The following CAST variants were observed in gnomAD, a reference collection of about 807,000 sequenced individuals.
CAST encodes the protein calpastatin.
A neutral mutation model predicts 119.6 loss-of-function variants in CAST; 76 were observed. The observed-to-expected ratio is 0.64, with a 90% CI of 0.53 to 0.77. The LOEUF (loss-of-function observed/expected upper bound fraction) is 0.77. CAST is among the 30% of genes least tolerant of loss of function. The probability of loss-of-function intolerance (pLI) is 0.00; values close to 1 mark genes in which losing one functional copy is unlikely to be tolerated. For synonymous variants in CAST, 319 were observed against 331.6 expected (o/e 0.96, Z 0.41); for missense variants, 953 against 946.5 (o/e 1.01, Z -0.09).
At chr5:96,547,790 C>T (rs1207498587) in intron 1 of CAST, among the ~76,000 whole-genome samples, 1 of 152,148 alleles carries the variant, frequency 6.6e-6, no homozygotes, top group Non-Finnish European at 1.5e-5. Flanking sequence ...AGACTACTGT[C>T]CTTACTTCTT....
At chr5:96,601,969 C>T (rs1747162326) in intron 1 of CAST, among the ~76,000 whole-genome samples, 1 of 152,184 alleles carries the variant, frequency 6.6e-6, no homozygotes, top group South Asian at 2.1e-4. Context: ...CTTCCGGCTC[C>T]CTCTGGCCCT....
the CAST span, among the ~76,000 whole-genome samples, chr5:96,333,543 C>T: frequency 6.6e-6 from 1 of 152,086 alleles, no homozygotes; most frequent in African/African-American, 2.4e-5. Flanking sequence ...CCTCCCTGTT[C>T]TGATCTGGGC....
the CAST span, among the ~76,000 whole-genome samples, chr5:96,352,172 A>G: frequency 6.6e-6 from 1 of 152,286 alleles, no homozygotes; most frequent in East Asian, 1.9e-4. Flanking sequence ...TATCATGTTT[A>G]TACATGTCTT....
At chr5:96,214,036 T>C in the CAST span, among the ~76,000 whole-genome samples, 1 of 152,208 alleles carries the variant, frequency 6.6e-6, no homozygotes, top group Non-Finnish European at 1.5e-5. Context: ...CTTTTTGTAT[T>C]GGTACATATA....
chr5:96,236,964 A>G, the CAST span, among the ~76,000 whole-genome samples: 9 of 152,190 alleles, frequency 5.9e-5, no homozygotes, highest in African/African-American at 1.9e-4. Context: ...GTCCAGTCAG[A>G]AGTACTGTCT....
upstream of CAST, among the ~76,000 whole-genome samples, chr5:96,525,640 GC>G (rs1745586073): frequency 6.6e-6 from 1 of 151,934 alleles, no homozygotes; most frequent in Non-Finnish European, 1.5e-5. Context: ...CTTTACTTTT[GC>G]CAACGAATTG....
chr5:96,702,813 T>G (rs1279296042), intron 3 of CAST: 7 of 985,222 alleles, frequency 7.1e-6, no homozygotes, highest in Non-Finnish European at 8.4e-6. Context: ...CTCAGAGAGC[T>G]GGGCTGGAGC....
At chr5:96,606,180 A>C (rs1269867233) in intron 1 of CAST, among the ~76,000 whole-genome samples, 1 of 152,096 alleles carries the variant, frequency 6.6e-6, no homozygotes, top group African/African-American at 2.4e-5. Flanking sequence ...CAAAAAAAAA[A>C]CACTGCCCAG....
the CAST span, among the ~76,000 whole-genome samples, chr5:96,466,625 T>C: frequency 5.9e-5 from 9 of 152,224 alleles, no homozygotes; most frequent in Admixed American, 5.2e-4. Context: ...ACCATAGATA[T>C]GCTTTCATAC....
At chr5:96,425,997 A>G in the CAST span, 6 of 860,300 alleles carry the variant, frequency 7.0e-6, no homozygotes, top group East Asian at 2.5e-5. Context: ...TCCTCTAACT[A>G]TCTCCAGTAC....
chr5:96,112,276 A>G, the CAST span, among the ~76,000 whole-genome samples: 1 of 152,162 alleles, frequency 6.6e-6, no homozygotes, highest in African/African-American at 2.4e-5. Context: ...GTCCCCTAGC[A>G]GCTATACAAA....
At chr5:96,226,884 A>G in the CAST span, among the ~76,000 whole-genome samples, 2 of 152,234 alleles carry the variant, frequency 1.3e-5, no homozygotes, top group East Asian at 1.9e-4. Flanking sequence ...AAATATTCCC[A>G]TAGAATATCT....
At chr5:96,275,990 A>G in the CAST span, among the ~76,000 whole-genome samples, 1 of 152,206 alleles carries the variant, frequency 6.6e-6, no homozygotes, top group African/African-American at 2.4e-5. Flanking sequence ...TAAAATACAA[A>G]TTTTAATCTC....
intron 1 of CAST, among the ~76,000 whole-genome samples, chr5:96,663,939 CAAA>C (rs3048777): frequency 0.069 from 7,692 of 111,002 alleles, 341 homozygotes; most frequent in African/African-American, 0.14. Flanking sequence ...GATTGCTTTC[CAAA>C]AAAAAAAAAA....
intron 4 of CAST, 73 bp downstream of exon 4, chr5:96,722,771 A>C: frequency 9.8e-7 from 1 of 1,019,122 alleles, no homozygotes; most frequent in Non-Finnish European, 1.6e-6. Flanking sequence ...ATGTAGACTA[A>C]TTGTTGATGA....
At chr5:96,023,916 AT>A in the CAST span, among the ~76,000 whole-genome samples, 1,207 of 152,334 alleles carry the variant, frequency 7.9e-3, 18 homozygotes, top group African/African-American at 0.028. Context: ...TCTTTTCTTA[AT>A]AAAATCCAAA....
the CAST span, among the ~76,000 whole-genome samples, chr5:96,436,518 G>A: frequency 6.6e-6 from 1 of 152,080 alleles, no homozygotes; most frequent in Non-Finnish European, 1.5e-5. Flanking sequence ...ACATTTTAAT[G>A]ACAAATGATC....
the CAST span, among the ~76,000 whole-genome samples, chr5:96,367,149 A>G: frequency 1.3e-5 from 2 of 152,064 alleles, no homozygotes; most frequent in African/African-American, 2.4e-5. Flanking sequence ...GTGAATATTT[A>G]ACAGCAAACA....
At chr5:96,577,051 T>C (rs1159109570) in intron 1 of CAST, among the ~76,000 whole-genome samples, 1 of 152,230 alleles carries the variant, frequency 6.6e-6, no homozygotes, top group Non-Finnish European at 1.5e-5. Flanking sequence ...TTCTCATTGC[T>C]TAGCTCCCAC....
Sources: gnomAD v4.1 joint callset for allele counts (sites outside exome capture counted in the v4.1 genomes callset) on GRCh38, gnomAD v4.1.1 for gene constraint, MANE v1.5 for transcripts, NCBI Gene and HGNC (gene_info 2026-07-23, HGNC 2026-07-21) for gene names.